TMTC4: variants seen among roughly 807,000 people sequenced by gnomAD.
TMTC4 encodes protein O-mannosyl-transferase TMTC4.
In TMTC4, 65 loss-of-function variants were observed where a neutral mutation model predicts 86.0. That is an observed-to-expected ratio of 0.76 (90% confidence interval 0.62 to 0.93). The LOEUF (loss-of-function observed/expected upper bound fraction) is 0.93, where lower values mean the gene tolerates loss of function less well. Among genes scored for constraint, TMTC4 ranks in the 40% least tolerant of loss-of-function variants. The pLI, the probability that TMTC4 is intolerant of heterozygous loss-of-function variation, is 0.00. For synonymous variants in TMTC4, 379 were observed against 382.5 expected (o/e 0.99, Z 0.11); for missense variants, 866 against 948.1 (o/e 0.91, Z 1.14).
At chr13:100,673,809 T>C (rs1490272806) in intron 1 of TMTC4, among the ~76,000 whole-genome samples, 1 of 152,182 alleles carries the variant, frequency 6.6e-6, no homozygotes, top group Admixed American at 6.5e-5. Flanking sequence ...GCCGTGATTT[T>C]ACCCCACTCC....
chr13:100,639,340 G>A (rs777446049), intron 7 of TMTC4, among the ~76,000 whole-genome samples: 4 of 152,198 alleles, frequency 2.6e-5, no homozygotes, highest in Non-Finnish European at 5.9e-5. Context: ...TCACCCATGT[G>A]AGACATGATC....
intron 15 of TMTC4, 135 bp from the exon 16 acceptor site, chr13:100,614,565 A>AT: frequency 1.6e-6 from 1 of 640,632 alleles, no homozygotes; most frequent in Non-Finnish European, 2.6e-6. Context: ...AACTTTAATT[A>AT]TGGAGCTTCT....
At chr13:100,669,317 CAG>C (rs927010735) in intron 2 of TMTC4, among the ~76,000 whole-genome samples, 3 of 152,132 alleles carry the variant, frequency 2.0e-5, no homozygotes, top group Admixed American at 6.5e-5. Flanking sequence ...GACTCTGACA[CAG>C]AGACAGGGGA....
At chr13:100,627,953 AG>A (rs1408798695) in intron 12 of TMTC4, among the ~76,000 whole-genome samples, 2 of 152,130 alleles carry the variant, frequency 1.3e-5, no homozygotes, top group African/African-American at 4.8e-5. Flanking sequence ...GAATCTGTGG[AG>A]GGGTTTGAAG....
chr13:100,637,760 A>G (rs1046189036), intron 8 of TMTC4, 58 bp from the exon 9 acceptor site: 3 of 1,592,200 alleles, frequency 1.9e-6, no homozygotes, highest in Admixed American at 1.7e-5. Context: ...AGTGTGGCTG[A>G]GCCAGGTACA....
intron 10 of TMTC4, among the ~76,000 whole-genome samples, chr13:100,635,415 C>G (rs143165814): frequency 3.3e-4 from 50 of 152,226 alleles, no homozygotes; most frequent in Non-Finnish European, 5.7e-4. Flanking sequence ...CACAGCGAGT[C>G]TAAGGGTAAA....
intron 6 of TMTC4, among the ~76,000 whole-genome samples, chr13:100,652,613 A>G (rs1016345500): frequency 5.3e-5 from 8 of 152,224 alleles, no homozygotes; most frequent in Admixed American, 2.6e-4. Context: ...GTTTTGTTGT[A>G]CTGAAGGAAA....
At chr13:100,636,789 T>C in intron 9 of TMTC4, 55 bp from the exon 10 acceptor site, 1 of 1,578,522 alleles carries the variant, frequency 6.3e-7, no homozygotes, top group African/African-American at 1.3e-5. Flanking sequence ...AAAAAACACA[T>C]ATATACGCAC....
chr13:100,660,450 A>T (rs1174805316), intron 5 of TMTC4, among the ~76,000 whole-genome samples: 6 of 152,036 alleles, frequency 3.9e-5, no homozygotes, highest in Admixed American at 3.9e-4. Context: ...GGGTAAACTG[A>T]GGCAGTTTAC....
chr13:100,632,053 A>ACACACACTCTCTCTCT (rs1296569630), intron 12 of TMTC4, among the ~76,000 whole-genome samples: 63 of 43,132 alleles, frequency 1.5e-3, no homozygotes, highest in Admixed American at 1.9e-3. Flanking sequence ...ACACACACAC[A>ACACACACTCTCTCTCT]CTCTCTCTCT....
At chr13:100,618,780 A>G (rs1161904464) in intron 15 of TMTC4, among the ~76,000 whole-genome samples, 1 of 152,226 alleles carries the variant, frequency 6.6e-6, no homozygotes, top group East Asian at 1.9e-4. Context: ...GACACAGCAC[A>G]TGTTTCAGAG....
chr13:100,665,076 AAAC>A (rs1402052669), intron 3 of TMTC4, among the ~76,000 whole-genome samples: 1 of 152,238 alleles, frequency 6.6e-6, no homozygotes, highest in Non-Finnish European at 1.5e-5. Flanking sequence ...ATCAGAAAAA[AAAC>A]CTTAATTTTT....
At chr13:100,650,962 A>T (rs1283227) in intron 6 of TMTC4, among the ~76,000 whole-genome samples, 1 of 152,128 alleles carries the variant, frequency 6.6e-6, no homozygotes, top group African/African-American at 2.4e-5. Flanking sequence ...ATACAGCTTA[A>T]GGTGAACTAT....
intron 6 of TMTC4, among the ~76,000 whole-genome samples, chr13:100,654,929 G>C (rs1594349111): frequency 6.6e-6 from 1 of 151,840 alleles, no homozygotes; most frequent in Non-Finnish European, 1.5e-5. Flanking sequence ...GTGACTTTAA[G>C]GGAGGATAAG....
intron 16 of TMTC4, among the ~76,000 whole-genome samples, chr13:100,614,031 G>T (rs1021697776): frequency 1.3e-5 from 2 of 151,560 alleles, no homozygotes; most frequent in African/African-American, 4.8e-5. Context: ...TACGGACAGG[G>T]TTTCTCCATG....
chr13:100,674,123 TC>T (rs1887502655), intron 1 of TMTC4: 3 of 983,870 alleles, frequency 3.0e-6, no homozygotes, highest in Non-Finnish European at 3.6e-6. Context: ...CTGCTCGGCT[TC>T]CCCAAACTCC....
chr13:100,650,700 G>C (rs985656615), intron 6 of TMTC4, among the ~76,000 whole-genome samples: 11 of 152,216 alleles, frequency 7.2e-5, no homozygotes, highest in Admixed American at 4.6e-4. Context: ...GTCCATTTGG[G>C]GGAAAATCAA....
At chr13:100,651,728 A>G (rs868608973) in intron 6 of TMTC4, among the ~76,000 whole-genome samples, 1 of 152,312 alleles carries the variant, frequency 6.6e-6, no homozygotes, top group South Asian at 2.1e-4. Context: ...CATTAATTTC[A>G]GAGTACTTAA....
chr13:100,662,473 T>A (rs555901486), intron 5 of TMTC4, among the ~76,000 whole-genome samples: 1 of 152,158 alleles, frequency 6.6e-6, no homozygotes, highest in Admixed American at 6.5e-5. Context: ...GCCCCGCTGA[T>A]GTCACAGCGT....
Sources: gnomAD v4.1 joint callset for allele counts (sites outside exome capture counted in the v4.1 genomes callset) on GRCh38, gnomAD v4.1.1 for gene constraint, MANE v1.5 for transcripts, NCBI Gene and HGNC (gene_info 2026-07-23, HGNC 2026-07-21) for gene names.